DCAF5: variants seen among roughly 807,000 people sequenced by gnomAD.
DCAF5 encodes the protein DDB1- and CUL4-associated factor 5.
DCAF5 carries 9 observed loss-of-function variants against 80.7 expected under a neutral mutation model. That is an observed-to-expected ratio of 0.11 (90% CI 0.07 to 0.19). The LOEUF (loss-of-function observed/expected upper bound fraction) is 0.19, where lower values mean the gene tolerates loss of function less well. DCAF5 is among the 10% of genes least tolerant of loss of function. The pLI is 1.00. For synonymous variants in DCAF5, 433 were observed against 461.9 expected (o/e 0.94, Z 0.80); for missense variants, 842 against 1,205.7 (o/e 0.70, Z 4.47).
In DCAF5 at chr14:69,055,294, T is replaced by C. The variant is rs780633824; in HGVS notation, c.1392A>G (p.Ser464=). The C allele has an allele frequency of 1.9e-6, 3 of 1,614,120 alleles. No individual in the cohort carries two copies. The highest frequency in any genetic ancestry group is 1.1e-5 in the South Asian group (1 of 91,078). The change falls in exon 9 of 9, where the codon TCA becomes TCG. Residue 464 remains serine (S), a synonymous_variant. Transcript: ENST00000341516. The surrounding 1 kb of genome is among the most constrained non-coding windows in gnomAD (Gnocchi z 5.6). ...CTGTGGGAGGCGGGGAGCGAGGCAA[T>C]GAGGCCGAAGACTCTGAGTCAGTGT... is the stretch of plus-strand genomic sequence containing the variant. ...SGYTDSESSA[S]LPRSPPPTVD... is the part of the protein sequence containing the mutation.
chr14:69,142,211 G>A (rs942329801), intron 1 of DCAF5, among the ~76,000 whole-genome samples: 3 of 152,168 alleles, frequency 2.0e-5, no homozygotes, highest in African/African-American at 7.2e-5. Flanking sequence ...GAGGTGGGAA[G>A]ATCACTTGAG....
At chr14:69,066,790 A>G (rs1440202904) in intron 7 of DCAF5, among the ~76,000 whole-genome samples, 1 of 152,206 alleles carries the variant, frequency 6.6e-6, no homozygotes, top group Admixed American at 6.5e-5. Flanking sequence ...ACATTCAGCC[A>G]GGGGTTTATT....
chr14:69,060,332 G>A (rs1360285818), intron 8 of DCAF5, among the ~76,000 whole-genome samples: 1 of 152,186 alleles, frequency 6.6e-6, no homozygotes, highest in African/African-American at 2.4e-5. Context: ...CCAATTAGCT[G>A]TGTGACCTTG....
intron 7 of DCAF5, among the ~76,000 whole-genome samples, chr14:69,066,600 C>T (rs1303894155): frequency 1.3e-5 from 2 of 152,182 alleles, no homozygotes; most frequent in African/African-American, 4.8e-5. Context: ...CACAGAATTT[C>T]AGTATCAGTA....
rs1384059960 is a variant in DCAF5 at position 69,055,771 on chromosome 14, A to T, written c.1075-160T>A. ...AAAAATAAGTTCTTTACCAGACTGG[A>T]TCATGTGGGTTATGTATGAAAACTG... On this transcript the variant is annotated intron_variant, in intron 8 of 8. Coordinates refer to ENST00000341516, the MANE Select transcript of DCAF5 (RefSeq NM_003861.3). The surrounding 1 kb of genome is among the most constrained non-coding windows in gnomAD (Gnocchi z 5.6). Among the ~76,000 whole-genome samples the T allele has an allele frequency of 6.6e-6, 1 of 152,194 alleles. No homozygotes were observed. Among genetic ancestry groups the T allele is most frequent in the Non-Finnish European group, 1.5e-5 (1 of 68,038 alleles).
At position 69,054,516 on chromosome 14, in the gene DCAF5, G is replaced by A; in HGVS notation, c.2170C>T (p.Pro724Ser). 6.2e-7 allele frequency: 1 copy of A among 1,614,196 alleles called. No homozygotes were observed. The highest frequency in any genetic ancestry group is 8.5e-7 in the Non-Finnish European group (1 of 1,180,032). The change falls in exon 9 of 9, where the codon CCA (proline) becomes TCA (serine). Residue 724 changes from proline to serine, a missense_variant. Transcript: ENST00000341516. ...IAMAQRNQDL[P>S]PEGCSKDTFK... ...GTGTCCTTGCTGCAGCCTTCAGGTGGCAGGTCCTGGTTCCTCTGGGCCATT... is the reference window on the plus strand; with the variant it reads ...GTGTCCTTGCTGCAGCCTTCAGGTGACAGGTCCTGGTTCCTCTGGGCCATT...
intron 7 of DCAF5, among the ~76,000 whole-genome samples, chr14:69,074,269 A>T: frequency 6.6e-6 from 1 of 152,326 alleles, no homozygotes; most frequent in African/African-American, 2.4e-5. Context: ...TATCACCTGG[A>T]ACAGGTGGCT....
intron 7 of DCAF5, among the ~76,000 whole-genome samples, chr14:69,072,991 T>C (rs2038756557): frequency 6.6e-6 from 1 of 152,228 alleles, no homozygotes; most frequent in Non-Finnish European, 1.5e-5. Flanking sequence ...CTGTGGCCTC[T>C]AAAAAAGCTT....
At position 69,062,432 on chromosome 14, in the gene DCAF5, A is replaced by G. The variant is rs779870131; in HGVS notation, c.1026T>C (p.Asn342=). ...AAGAGCAGATCATGTAGGTGTGGGG[A>G]TTAAATCGGACTTGGTTAACAATAG... is the stretch of plus-strand genomic sequence containing the variant. ...HRSIVNQVRF[N]PHTYMICSSG... is the part of the protein sequence containing the mutation. The change falls in exon 8 of 9, where the codon AAT becomes AAC. Residue 342 remains asparagine (N), a synonymous_variant. Coordinates refer to ENST00000341516, the MANE Select transcript of DCAF5 (RefSeq NM_003861.3). 1.2e-6 allele frequency: 2 copies of G among 1,613,978 alleles called. No individual in the cohort carries two copies. The highest frequency in any genetic ancestry group is 2.7e-5 in the African/African-American group (2 of 74,922).
chr14:69,081,965 T>A (rs562987184), intron 6 of DCAF5, among the ~76,000 whole-genome samples: 27 of 152,224 alleles, frequency 1.8e-4, no homozygotes, highest in Non-Finnish European at 3.2e-4. Flanking sequence ...CTGTATTGAC[T>A]AGGACAGAAA....
At chr14:69,128,848 G>A (rs756742268) in intron 1 of DCAF5, among the ~76,000 whole-genome samples, 21 of 152,154 alleles carry the variant, frequency 1.4e-4, no homozygotes, top group Non-Finnish European at 2.8e-4. Context: ...GGAGGTCGAG[G>A]TGGGAGGATC....
At chr14:69,130,328 A>C (rs1376616752) in intron 1 of DCAF5, among the ~76,000 whole-genome samples, 1 of 152,260 alleles carries the variant, frequency 6.6e-6, no homozygotes, top group Non-Finnish European at 1.5e-5. Flanking sequence ...TAATAAAATA[A>C]GCCAGACATA....
Position 69,152,153 on chromosome 14 carries a change from A to G in DCAF5, c.214+612T>C, listed in dbSNP as rs998157320. 6.6e-6 allele frequency among the ~76,000 whole-genome samples: 1 copy of G among 152,206 alleles called. No individual in the cohort carries two copies. Among genetic ancestry groups the G allele is most frequent in the African/African-American group, 2.4e-5 (1 of 41,456 alleles). On this transcript the variant is annotated intron_variant, in intron 1 of 8. Transcript: ENST00000341516. This position sits in a 1 kb window ranked among gnomAD's most constrained non-coding sequence, Gnocchi z 4.1. ...ACGCAGAAGAGGCCACAACCGAACG[A>G]AAGGCGATGGTGCTGGGCCTCTAAG...
chr14:69,118,362 C>T lies in DCAF5; in HGVS notation c.396-84G>A. On this transcript the variant is annotated intron_variant, in intron 3 of 8. Coordinates refer to ENST00000341516, the MANE Select transcript of DCAF5 (RefSeq NM_003861.3). This position sits in a 1 kb window ranked among gnomAD's most constrained non-coding sequence, Gnocchi z 4.0. ...CCCAGCACTTTGGTACCGAGGGTGC[C>T]ATCTTTTCCATTTCTAGAAGAAAGT... 7.2e-7 allele frequency: 1 copy of T among 1,380,980 alleles called. No homozygotes were observed. The highest frequency in any genetic ancestry group is 9.6e-7 in the Non-Finnish European group (1 of 1,037,404). 85.5% of individuals were successfully genotyped at this position (1,380,980 alleles called of 1,614,324 possible).
At position 69,118,350 on chromosome 14, in the gene DCAF5, T is replaced by C. The variant is rs756782567; in HGVS notation, c.396-72A>G. The C allele has an allele frequency of 7.0e-7, 1 of 1,436,546 alleles. No homozygotes were observed. Among genetic ancestry groups the C allele is most frequent in the Non-Finnish European group, 9.3e-7 (1 of 1,070,110 alleles). 89.0% of individuals were successfully genotyped at this position (1,436,546 alleles called of 1,614,324 possible). ...ATAGTGCAGAGTCCCAGCACTTTGG[T>C]ACCGAGGGTGCCATCTTTTCCATTT... On this transcript the variant is annotated intron_variant, in intron 3 of 8. Coordinates refer to ENST00000341516, the MANE Select transcript of DCAF5 (RefSeq NM_003861.3). This position sits in a 1 kb window ranked among gnomAD's most constrained non-coding sequence, Gnocchi z 4.0.
At chr14:69,109,144 A>C (rs1463539710) in intron 5 of DCAF5, among the ~76,000 whole-genome samples, 1 of 152,026 alleles carries the variant, frequency 6.6e-6, no homozygotes, top group African/African-American at 2.4e-5. Context: ...GATTGAGACC[A>C]TCCTGGCTAA....
intron 1 of DCAF5, among the ~76,000 whole-genome samples, chr14:69,139,477 C>A (rs2041294310): frequency 6.6e-6 from 1 of 151,558 alleles, no homozygotes; most frequent in Non-Finnish European, 1.5e-5. Flanking sequence ...TTTAGCCTGA[C>A]CCACAGAGCA....
At chr14:69,132,658 T>G (rs1398497451) in intron 1 of DCAF5, among the ~76,000 whole-genome samples, 1 of 152,216 alleles carries the variant, frequency 6.6e-6, no homozygotes, top group Non-Finnish European at 1.5e-5. Flanking sequence ...CTAAGCTCTA[T>G]TTACTCAAGC....
chr14:69,077,229 G>A (rs966105198), intron 6 of DCAF5, among the ~76,000 whole-genome samples: 13 of 152,126 alleles, frequency 8.5e-5, no homozygotes, highest in African/African-American at 2.7e-4. Context: ...ATGTGACAGC[G>A]TCTTGCTGTG....
Sources: allele counts gnomAD v4.1 joint callset (sites outside exome capture counted in the v4.1 genomes callset), GRCh38; gene constraint gnomAD v4.1.1; non-coding constraint Gnocchi (gnomAD v3.1); transcripts MANE v1.5; gene names NCBI Gene and HGNC (gene_info 2026-07-23, HGNC 2026-07-21).